Variants in ATP8A2 observed in about 807,000 individuals in gnomAD.
ATP8A2 encodes phospholipid-transporting ATPase IB.
ATP8A2 carries 100 observed loss-of-function variants against 165.6 expected under a neutral mutation model. The ratio of observed to expected loss-of-function variants is 0.60; its 90% CI spans 0.51 to 0.71. ATP8A2 has a LOEUF of 0.71. ATP8A2 is among the 30% of genes least tolerant of loss of function. The pLI, the probability that ATP8A2 is intolerant of heterozygous loss-of-function variation, is 0.00. For missense variants in ATP8A2, 1,227 were observed against 1,479.5 expected, an observed-to-expected ratio of 0.83 and a Z score of 2.80; for synonymous variants, 543 against 548.8, an observed-to-expected ratio of 0.99 and a Z score of 0.15.
chr13:25,594,141 G>C (rs966556316), intron 24 of ATP8A2, among the ~76,000 whole-genome samples: 1 of 152,164 alleles, frequency 6.6e-6, no homozygotes, highest in Non-Finnish European at 1.5e-5. Flanking sequence ...AGAATCTTGA[G>C]TAAGAGAATA....
intron 35 of ATP8A2, among the ~76,000 whole-genome samples, chr13:25,979,322 T>A (rs533181116): frequency 1.2e-4 from 19 of 152,098 alleles, no homozygotes; most frequent in African/African-American, 3.1e-4. Flanking sequence ...GAAAAAAAAA[T>A]TATTCTTGGG....
At chr13:25,799,102 AAC>A (rs922077911) in intron 27 of ATP8A2, among the ~76,000 whole-genome samples, 5 of 152,192 alleles carry the variant, frequency 3.3e-5, no homozygotes, top group Non-Finnish European at 7.3e-5. Context: ...TTAAAAAAAA[AAC>A]ACAGTCAGTT....
chr13:25,382,756 G>C (rs569562920), intron 1 of ATP8A2, among the ~76,000 whole-genome samples: 1 of 148,158 alleles, frequency 6.7e-6, no homozygotes, highest in Non-Finnish European at 1.5e-5. Flanking sequence ...TAGATCTTTT[G>C]TCCTTTTTTT....
intron 18 of ATP8A2, among the ~76,000 whole-genome samples, chr13:25,573,061 C>T (rs1389735220): frequency 6.6e-6 from 1 of 152,108 alleles, no homozygotes; most frequent in African/African-American, 2.4e-5. Flanking sequence ...GGAAATGTAC[C>T]ATCATTAAAA....
At chr13:25,795,073 CA>C (rs1301482059) in intron 27 of ATP8A2, among the ~76,000 whole-genome samples, 1 of 151,974 alleles carries the variant, frequency 6.6e-6, no homozygotes, top group Non-Finnish European at 1.5e-5. Flanking sequence ...CATTATAAAC[CA>C]GGGAACAGTT....
At chr13:25,592,299 A>G (rs1427162815) in intron 24 of ATP8A2, among the ~76,000 whole-genome samples, 1 of 150,642 alleles carries the variant, frequency 6.6e-6, no homozygotes, top group Admixed American at 6.6e-5. Context: ...CCTGTTTAAA[A>G]AAACTGGGCA....
At chr13:25,977,267 G>C (rs371849464) in intron 35 of ATP8A2, among the ~76,000 whole-genome samples, 34 of 151,914 alleles carry the variant, frequency 2.2e-4, no homozygotes, top group African/African-American at 8.2e-4. Context: ...GCCTAATGCC[G>C]GCAAACATTT....
intron 23 of ATP8A2, among the ~76,000 whole-genome samples, chr13:25,584,374 A>G (rs560630514): frequency 6.6e-6 from 1 of 152,310 alleles, no homozygotes; most frequent in Non-Finnish European, 1.5e-5. Context: ...TACCCCTGGT[A>G]GTATGAACCA....
intron 24 of ATP8A2, among the ~76,000 whole-genome samples, chr13:25,651,569 C>G (rs1164288772): frequency 7.2e-6 from 1 of 139,078 alleles, no homozygotes; most frequent in Admixed American, 7.2e-5. Context: ...CACCTATCAT[C>G]TTTTTTATTT....
chr13:25,416,871 GA>G (rs917884768), intron 1 of ATP8A2, among the ~76,000 whole-genome samples: 4 of 152,126 alleles, frequency 2.6e-5, no homozygotes, highest in African/African-American at 9.7e-5. Flanking sequence ...TTTTCAGGTT[GA>G]AAATACTGAG....
At chr13:26,015,898 G>A (rs80119054) in intron 36 of ATP8A2, among the ~76,000 whole-genome samples, 2 of 152,284 alleles carry the variant, frequency 1.3e-5, no homozygotes, top group East Asian at 3.9e-4. Flanking sequence ...TCCCCGTTTG[G>A]ATGCAAATGA....
At chr13:25,734,102 A>G (rs151226127) in intron 25 of ATP8A2, among the ~76,000 whole-genome samples, 248 of 152,314 alleles carry the variant, frequency 1.6e-3, no homozygotes, top group African/African-American at 5.5e-3. Context: ...AAAGCTTGCT[A>G]TGCACACCAC....
intron 24 of ATP8A2, among the ~76,000 whole-genome samples, chr13:25,684,238 A>G (rs1030781928): frequency 6.6e-6 from 1 of 152,226 alleles, no homozygotes; most frequent in Non-Finnish European, 1.5e-5. Context: ...CTAGTAGTGA[A>G]TGATTCTGGT....
At chr13:25,772,543 T>C (rs2138308386) in intron 26 of ATP8A2, among the ~76,000 whole-genome samples, 1 of 152,214 alleles carries the variant, frequency 6.6e-6, no homozygotes, top group Non-Finnish European at 1.5e-5. Context: ...AGATTCCGAA[T>C]GCGTGGTGAG....
intron 25 of ATP8A2, among the ~76,000 whole-genome samples, chr13:25,752,386 G>A (rs764838962): frequency 2.6e-5 from 4 of 151,824 alleles, no homozygotes; most frequent in Admixed American, 6.6e-5. Context: ...GCTTGAACCC[G>A]GGAAAAGGTT....
chr13:25,378,335 T>G (rs2032712661), intron 1 of ATP8A2, among the ~76,000 whole-genome samples: 1 of 137,416 alleles, frequency 7.3e-6, no homozygotes, highest in African/African-American at 3.0e-5. Flanking sequence ...TAACTCTGTT[T>G]TTTTTCCAGA....
At chr13:25,597,182 G>A (rs1360020726) in intron 24 of ATP8A2, among the ~76,000 whole-genome samples, 1 of 152,038 alleles carries the variant, frequency 6.6e-6, no homozygotes, top group African/African-American at 2.4e-5. Context: ...ATAGATGTCT[G>A]TTGCAAATTT....
chr13:25,608,936 G>A (rs2040585891), intron 24 of ATP8A2, among the ~76,000 whole-genome samples: 1 of 152,060 alleles, frequency 6.6e-6, no homozygotes, highest in Admixed American at 6.6e-5. Flanking sequence ...TACAAATCCA[G>A]TGTCAAAGAG....
chr13:25,885,178 T>A (rs1953106893), intron 33 of ATP8A2, among the ~76,000 whole-genome samples: 1 of 147,048 alleles, frequency 6.8e-6, no homozygotes, highest in Non-Finnish European at 1.5e-5. Context: ...AGTGGTGCGA[T>A]CTTAGCTCAC....
Sources: gnomAD v4.1 joint callset for allele counts (sites outside exome capture counted in the v4.1 genomes callset) on GRCh38, gnomAD v4.1.1 for gene constraint, MANE v1.5 for transcripts, NCBI Gene and HGNC (gene_info 2026-07-23, HGNC 2026-07-21) for gene names.